Variants in PTPRD observed in about 807,000 individuals in gnomAD.
PTPRD encodes the protein protein tyrosine phosphatase receptor type D.
Under a neutral mutation model 214.5 loss-of-function variants are expected in PTPRD, and 34 were observed. The observed-to-expected ratio is 0.16, with a 90% CI of 0.12 to 0.21. The LOEUF is 0.21. PTPRD is among the 10% of genes least tolerant of loss of function. PTPRD has a pLI of 1.00. For missense variants in PTPRD, 2,545 were observed against 2,398.7 expected (o/e 1.06, Z -1.27); for synonymous variants, 1,128 against 845.7 (o/e 1.33, Z -5.79).
intron 2 of PTPRD, among the ~76,000 whole-genome samples, chr9:10,584,962 G>A (rs769276801): frequency 6.6e-6 from 1 of 152,068 alleles, no homozygotes; most frequent in Non-Finnish European, 1.5e-5. Context: ...TGCATGATGT[G>A]TAATTGAACA....
intron 12 of PTPRD, among the ~76,000 whole-genome samples, chr9:8,638,724 A>G (rs369725224): frequency 6.6e-6 from 1 of 152,192 alleles, no homozygotes; most frequent in East Asian, 1.9e-4. Flanking sequence ...AGAAAGCAAA[A>G]CAGCCTCTAA....
chr9:9,609,498 T>A (rs2094396344), intron 7 of PTPRD, among the ~76,000 whole-genome samples: 1 of 152,222 alleles, frequency 6.6e-6, no homozygotes. Flanking sequence ...AGTCTCGCTC[T>A]GTAGCCCAGG....
intron 4 of PTPRD, among the ~76,000 whole-genome samples, chr9:10,000,099 A>G (rs745622027): frequency 4.1e-4 from 63 of 152,308 alleles, no homozygotes; most frequent in South Asian, 4.1e-4. Flanking sequence ...GCAAGTTATA[A>G]AAATTGCCTA....
intron 2 of PTPRD, among the ~76,000 whole-genome samples, chr9:10,479,666 A>C (rs376898899): frequency 1.2e-4 from 2 of 16,626 alleles, no homozygotes; most frequent in Non-Finnish European, 2.5e-4. Flanking sequence ...AATAAACAAA[A>C]ATACAAAAAT....
At chr9:10,036,803 C>T (rs2097191267) in intron 3 of PTPRD, among the ~76,000 whole-genome samples, 2 of 151,924 alleles carry the variant, frequency 1.3e-5, no homozygotes, top group East Asian at 1.9e-4. Context: ...AGGATGGTCT[C>T]GATCTCTTGA....
intron 4 of PTPRD, among the ~76,000 whole-genome samples, chr9:9,966,179 T>A (rs1416520108): frequency 6.6e-6 from 1 of 152,160 alleles, no homozygotes; most frequent in East Asian, 1.9e-4. Flanking sequence ...TTTGCACACC[T>A]GGACAGAAAC....
At chr9:9,524,770 G>C (rs2073630935) in intron 8 of PTPRD, among the ~76,000 whole-genome samples, 1 of 152,144 alleles carries the variant, frequency 6.6e-6, no homozygotes, top group African/African-American at 2.4e-5. Flanking sequence ...ATTTTATGCA[G>C]GCTGTGCATA....
At chr9:8,833,013 G>T (rs751670913) in intron 11 of PTPRD, among the ~76,000 whole-genome samples, 10 of 150,934 alleles carry the variant, frequency 6.6e-5, no homozygotes, top group Non-Finnish European at 1.2e-4. Context: ...CTTTGCAGAT[G>T]AAAAAAAAAT....
chr9:10,233,163 T>C (rs2154357763), intron 3 of PTPRD, among the ~76,000 whole-genome samples: 1 of 152,132 alleles, frequency 6.6e-6, no homozygotes, highest in East Asian at 1.9e-4. Flanking sequence ...GTGGCTACTG[T>C]TGGTGCATTC....
intron 5 of PTPRD, among the ~76,000 whole-genome samples, chr9:9,817,659 G>C (rs753498531): frequency 6.6e-6 from 1 of 152,018 alleles, no homozygotes; most frequent in Non-Finnish European, 1.5e-5. Context: ...TCCACCCATT[G>C]TCCACAGGGA....
At chr9:9,807,714 T>C (rs2045880235) in intron 5 of PTPRD, among the ~76,000 whole-genome samples, 1 of 152,190 alleles carries the variant, frequency 6.6e-6, no homozygotes, top group Admixed American at 6.5e-5. Flanking sequence ...GGTATTTTCA[T>C]TTACAAAAAT....
intron 8 of PTPRD, among the ~76,000 whole-genome samples, chr9:9,429,215 G>A (rs1489369566): frequency 2.0e-5 from 3 of 151,940 alleles, no homozygotes; most frequent in African/African-American, 7.3e-5. Flanking sequence ...ATGACAAAGG[G>A]GATATCACCA....
chr9:10,364,875 T>G (rs983111205), intron 2 of PTPRD, among the ~76,000 whole-genome samples: 3 of 152,206 alleles, frequency 2.0e-5, no homozygotes, highest in African/African-American at 7.2e-5. Context: ...AATTGTGCAT[T>G]AGACATCCCC....
At chr9:10,242,094 A>T (rs1240401079) in intron 3 of PTPRD, among the ~76,000 whole-genome samples, 1 of 151,966 alleles carries the variant, frequency 6.6e-6, no homozygotes, top group Admixed American at 6.6e-5. Context: ...TGTGAAGAGG[A>T]AAACCTGAAA....
At chr9:9,344,440 C>G (rs1279516523) in intron 9 of PTPRD, among the ~76,000 whole-genome samples, 2 of 151,782 alleles carry the variant, frequency 1.3e-5, no homozygotes, top group African/African-American at 4.8e-5. Context: ...CACATGTATG[C>G]TTATGTGACA....
rs1376695159 is a variant in PTPRD at position 8,376,700 on chromosome 9, G to A, written c.4413C>T (p.Ser1471=). Residue 1471 remains serine (S), a synonymous_variant, in exon 38 of 46, where the codon AGC becomes AGT. Coordinates refer to ENST00000381196, the MANE Select transcript of PTPRD (RefSeq NM_002839.4). ...SRVKCDQYWP[S]RGTETHGLVQ... ...CGAGTCCGTGGGTTTCTGTGCCTCT[G>A]CTAGGCCAATACTGGTCACACTTCA... The A allele has an allele frequency of 1.9e-6, 3 of 1,613,020 alleles. No individual in the cohort carries two copies. Among genetic ancestry groups the A allele is most frequent in the Non-Finnish European group, 2.5e-6 (3 of 1,179,302 alleles).
chr9:9,093,912 A>T (rs1467794557), intron 10 of PTPRD, among the ~76,000 whole-genome samples: 1 of 151,976 alleles, frequency 6.6e-6, no homozygotes, highest in African/African-American at 2.4e-5. Flanking sequence ...AAATTGATAA[A>T]CTTCTAGCCA....
intron 2 of PTPRD, among the ~76,000 whole-genome samples, chr9:10,541,773 T>C (rs1238932130): frequency 6.6e-6 from 1 of 152,066 alleles, no homozygotes; most frequent in Non-Finnish European, 1.5e-5. Context: ...AATATAAAGA[T>C]ACATTTATAA....
intron 2 of PTPRD, among the ~76,000 whole-genome samples, chr9:10,517,702 C>T (rs921597612): frequency 6.6e-6 from 1 of 151,952 alleles, no homozygotes; most frequent in Admixed American, 6.6e-5. Context: ...AATGTTATTG[C>T]AGTTACTGGT....
Sources: allele counts gnomAD v4.1 joint callset (sites outside exome capture counted in the v4.1 genomes callset), GRCh38; gene constraint gnomAD v4.1.1; transcripts MANE v1.5; gene names NCBI Gene and HGNC (gene_info 2026-07-23, HGNC 2026-07-21).